ZNF516: variants seen among roughly 807,000 people sequenced by gnomAD.
ZNF516 encodes the protein zinc finger protein 516.
In ZNF516, 19 loss-of-function variants were observed where a neutral mutation model predicts 79.7. The observed-to-expected ratio is 0.24, with a 90% CI of 0.17 to 0.35. The LOEUF is 0.35. ZNF516 is among the 10% of genes least tolerant of loss of function. The pLI, the probability that ZNF516 is intolerant of heterozygous loss-of-function variation, is 1.00. For synonymous variants in ZNF516, 877 were observed against 739.5 expected, an observed-to-expected ratio of 1.19 and a Z score of -3.02; for missense variants, 1,678 against 1,679.5, an observed-to-expected ratio of 1.00 and a Z score of 0.02.
chr18:76,488,216 A>T (rs1914945018), intron 1 of ZNF516: 1 of 985,280 alleles, frequency 1.0e-6, no homozygotes, highest in Admixed American at 6.2e-5. Context: ...AGCTCCCAAC[A>T]ACAGAGTAGG....
chr18:76,360,595 G>A lies in ZNF516; in HGVS notation c.*1903C>T, dbSNP rs1442056204. 1 of 126,540 alleles carries A rather than the reference G, an allele frequency of 7.9e-6. No individual in the cohort carries two copies. Among genetic ancestry groups the A allele is most frequent in the Non-Finnish European group, 1.6e-5 (1 of 63,590 alleles). 7.8% of individuals were successfully genotyped at this position (126,540 alleles called of 1,614,324 possible). On this transcript the variant is annotated 3_prime_UTR_variant, in exon 7 of 7. Transcript: ENST00000443185. ...TACACCAACAGGACAGATCATTTTC[G>A]TACATATCTGGTGTAAGAATATCAG... is the stretch of plus-strand genomic sequence containing the variant.
At chr18:76,402,287 C>G (rs1020959014) in intron 3 of ZNF516, among the ~76,000 whole-genome samples, 1 of 152,174 alleles carries the variant, frequency 6.6e-6, no homozygotes, top group East Asian at 1.9e-4. Context: ...CCAGAGAAGT[C>G]GAGAGTAAAC....
intron 3 of ZNF516, among the ~76,000 whole-genome samples, chr18:76,416,632 C>G (rs535945391): frequency 1.3e-5 from 2 of 152,188 alleles, no homozygotes; most frequent in African/African-American, 4.8e-5. Context: ...TCAGAAACAT[C>G]TCTGAATAGT....
chr18:76,364,016 C>T (rs1484408436), intron 6 of ZNF516, among the ~76,000 whole-genome samples: 2 of 152,228 alleles, frequency 1.3e-5, no homozygotes, highest in East Asian at 1.9e-4. Flanking sequence ...AAGTCACAGA[C>T]TTGCATTGGG....
chr18:76,402,069 C>G (rs2075237638), intron 3 of ZNF516, among the ~76,000 whole-genome samples: 1 of 152,056 alleles, frequency 6.6e-6, no homozygotes, highest in Non-Finnish European at 1.5e-5. Context: ...CTCTGCATCC[C>G]ACAGGGAGGG....
intron 1 of ZNF516, among the ~76,000 whole-genome samples, chr18:76,466,194 C>T (rs1334729812): frequency 1.3e-5 from 2 of 152,130 alleles, no homozygotes; most frequent in Non-Finnish European, 2.9e-5. Flanking sequence ...TGATTTACGA[C>T]ACTAATTACT....
chr18:76,489,229 T>C (rs1315143622), intron 1 of ZNF516, among the ~76,000 whole-genome samples: 1 of 152,200 alleles, frequency 6.6e-6, no homozygotes, highest in African/African-American at 2.4e-5. Context: ...AACGACCCAA[T>C]ACACTGAGTA....
In ZNF516 at chr18:76,441,420, G is replaced by A. The variant is rs1189724900; in HGVS notation, c.1635C>T (p.Asp545=). 3 of 1,608,430 alleles carry A rather than the reference G, an allele frequency of 1.9e-6. No individual in the cohort carries two copies. The highest frequency in any genetic ancestry group is 2.5e-6 in the Non-Finnish European group (3 of 1,178,318). Residue 545 remains aspartate (D), a synonymous_variant, in exon 3 of 7, where the codon GAC becomes GAT. Coordinates refer to ENST00000443185, the MANE Select transcript of ZNF516 (RefSeq NM_014643.4). ...CCCGCGCCGCCCTGTCCCCGTCACTGTCCCTCTCGCGGCGCGCGCGGCGAT... is the reference window on the plus strand; with the variant it reads ...CCCGCGCCGCCCTGTCCCCGTCACTATCCCTCTCGCGGCGCGCGCGGCGAT... The part of the protein sequence containing the change: ...RVHRRARRER[D]SDGDRAARAR...
At chr18:76,411,942 C>G (rs575294184) in intron 3 of ZNF516, among the ~76,000 whole-genome samples, 1 of 152,176 alleles carries the variant, frequency 6.6e-6, no homozygotes, top group African/African-American at 2.4e-5. Flanking sequence ...GTCATCTTAA[C>G]CTTAAAATAC....
chr18:76,495,976 TA>T (rs2145857736), upstream of ZNF516, among the ~76,000 whole-genome samples: 1 of 152,310 alleles, frequency 6.6e-6, no homozygotes, highest in African/African-American at 2.4e-5. Context: ...TGTTTACCGG[TA>T]GCCTCGAAAG....
At position 76,467,259 on chromosome 18, in the gene ZNF516, G is replaced by C. The variant is rs58718292; in HGVS notation, c.-271-4118C>G. On this transcript the variant is annotated intron_variant, in intron 1 of 6. Coordinates refer to ENST00000443185, the MANE Select transcript of ZNF516 (RefSeq NM_014643.4). The surrounding 1 kb of genome is among the most constrained non-coding windows in gnomAD (Gnocchi z 4.2). ...TGCGTGTCTCTCGGAACCTGCAGCT[G>C]ACAGCCCCTCTGGGTTGGCAGGAAG... Among the ~76,000 whole-genome samples, 116 of 1,028 alleles carry C rather than the reference G, an allele frequency of 0.11. 22 individuals are homozygous for C. Among genetic ancestry groups the C allele is most frequent in the Non-Finnish European group, 0.36 (60 of 166 alleles). The allele number at this position is 1,028 out of a possible 152,430, so 0.7% of individuals were successfully genotyped here.
intron 3 of ZNF516, among the ~76,000 whole-genome samples, chr18:76,408,944 C>T (rs1314683674): frequency 6.6e-6 from 1 of 152,198 alleles, no homozygotes; most frequent in Non-Finnish European, 1.5e-5. Context: ...TCCGCCCCCA[C>T]TCAGAAGCCA....
rs1278597776 is a variant in ZNF516, at chr18:76,423,188, T to C, written c.1810+18057A>G. Among the ~76,000 whole-genome samples, 26 of 152,186 alleles carry C rather than the reference T, an allele frequency of 1.7e-4. 1 individual carries two copies. The highest frequency in any genetic ancestry group is 1.7e-3 in the Admixed American group (26 of 15,278). On this transcript the variant is annotated intron_variant, in intron 3 of 6. Transcript: ENST00000443185. Reference sequence around the variant, plus strand: ...CTTTACAAGGGAAGGGATGCATATATGTTCCCAAAAGGAAAACAGCCACAA... The same window carrying C: ...CTTTACAAGGGAAGGGATGCATATACGTTCCCAAAAGGAAAACAGCCACAA...
chr18:76,375,873 G>A (rs1264137490), intron 4 of ZNF516, among the ~76,000 whole-genome samples: 1 of 142,448 alleles, frequency 7.0e-6, no homozygotes, highest in Non-Finnish European at 1.5e-5. Flanking sequence ...GGTAAAGGAT[G>A]GACACAGAAG....
intron 3 of ZNF516, among the ~76,000 whole-genome samples, chr18:76,435,942 G>A (rs2075727460): frequency 6.6e-6 from 1 of 152,166 alleles, no homozygotes; most frequent in Non-Finnish European, 1.5e-5. Context: ...GCCCTGTCAG[G>A]CCTGGCATGG....
At chr18:76,363,643 A>T (rs545052146) in intron 6 of ZNF516, among the ~76,000 whole-genome samples, 1 of 152,224 alleles carries the variant, frequency 6.6e-6, no homozygotes, top group Non-Finnish European at 1.5e-5. Context: ...CCCTAAGTAG[A>T]TGGTGAATTT....
chr18:76,404,016 C>A (rs1205620879), intron 3 of ZNF516, among the ~76,000 whole-genome samples: 1 of 152,240 alleles, frequency 6.6e-6, no homozygotes, highest in African/African-American at 2.4e-5. Context: ...CAGCAGCGGA[C>A]AGGCTGGCAG....
rs2074515613 is a variant in ZNF516 at position 76,360,618 on chromosome 18, C to A, written c.*1880G>T. 9.1e-5 allele frequency: 3 copies of A among 32,986 alleles called. No individual in the cohort carries two copies. The highest frequency in any genetic ancestry group is 8.6e-4 in the East Asian group (1 of 1,166). 2.0% of individuals were successfully genotyped at this position (32,986 alleles called of 1,614,324 possible). ...TCGTACATATCTGGTGTAAGAATAT[C>A]AGAAAAAAATAAGTAAAAAAAAAAA... is the stretch of plus-strand genomic sequence containing the variant. On this transcript the variant is annotated 3_prime_UTR_variant, in exon 7 of 7. Coordinates refer to ENST00000443185, the MANE Select transcript of ZNF516 (RefSeq NM_014643.4).
At chr18:76,399,796 T>C (rs1054865314) in intron 3 of ZNF516, among the ~76,000 whole-genome samples, 2 of 152,116 alleles carry the variant, frequency 1.3e-5, no homozygotes, top group African/African-American at 2.4e-5. Flanking sequence ...GTCCATTCAA[T>C]ACCGGTCCCA....
Sources: gnomAD v4.1 joint callset for allele counts (sites outside exome capture counted in the v4.1 genomes callset) on GRCh38, gnomAD v4.1.1 for gene constraint, Gnocchi (gnomAD v3.1) non-coding constraint, MANE v1.5 for transcripts, NCBI Gene and HGNC (gene_info 2026-07-23, HGNC 2026-07-21) for gene names.